ZNF35: variants seen among roughly 807,000 people sequenced by gnomAD.
ZNF35 encodes zinc finger protein 35.
A neutral mutation model predicts 45.9 loss-of-function variants in ZNF35; 31 were observed. That is an observed-to-expected ratio of 0.68 (90% CI 0.51 to 0.91). The LOEUF is 0.91. Among genes scored for constraint, ZNF35 ranks in the 40% least tolerant of loss-of-function variants. The pLI, the probability that ZNF35 is intolerant of heterozygous loss-of-function variation, is 0.00. For synonymous variants in ZNF35, 205 were observed against 220.2 expected (o/e 0.93, Z 0.61); for missense variants, 515 against 625.4 (o/e 0.82, Z 1.88).
Position 44,659,834 on chromosome 3 carries a change from G to T in ZNF35, c.1471G>T (p.Val491Leu). 6.2e-7 allele frequency: 1 copy of T among 1,613,890 alleles called. No individual in the cohort carries two copies. The highest frequency in any genetic ancestry group is 2.2e-5 in the East Asian group (1 of 44,868). Residue 491 changes from valine (V) to leucine (L), a missense_variant, in exon 4 of 4, where the codon GTG (valine) becomes TTG (leucine). Around this residue, in one of 3 missense-constraint regions of ZNF35, gnomAD observed 232 missense variants for 304.6 expected, o/e 0.76. Coordinates refer to ENST00000396056, the MANE Select transcript of ZNF35 (RefSeq NM_003420.4). This position sits in a 1 kb window ranked among gnomAD's most constrained non-coding sequence, Gnocchi z 4.3. ...KAFRQRSSLT[V>L]HQRTHTGEKP... ...CTTCAGACAGAGGTCGAGCCTCACC[G>T]TGCACCAGAGAACCCACACTGGGGA...
At chr3:44,655,001 G>T (rs959657136) in intron 3 of ZNF35, among the ~76,000 whole-genome samples, 11 of 152,116 alleles carry the variant, frequency 7.2e-5, no homozygotes, top group Non-Finnish European at 1.5e-4. Flanking sequence ...AGGCATGGTG[G>T]TGCGTGCCTA....
chr3:44,650,194 C>T (rs1226072777), intron 1 of ZNF35, among the ~76,000 whole-genome samples: 1 of 151,902 alleles, frequency 6.6e-6, no homozygotes, highest in Non-Finnish European at 1.5e-5. Context: ...TATTGTGTAG[C>T]ATTTAAAATA....
chr3:44,649,708 T>G (rs1177210048), intron 1 of ZNF35, among the ~76,000 whole-genome samples: 2 of 151,502 alleles, frequency 1.3e-5, no homozygotes, highest in Admixed American at 1.3e-4. Context: ...AAAGGAATAA[T>G]TCAGCAAAAA....
intron 2 of ZNF35, among the ~76,000 whole-genome samples, chr3:44,651,495 T>C (rs1559483217): frequency 6.6e-6 from 1 of 152,130 alleles, no homozygotes; most frequent in Non-Finnish European, 1.5e-5. Flanking sequence ...GAGCTTTTTA[T>C]AAAATCTTGA....
chr3:44,658,172 CCT>C (rs1344450922), intron 3 of ZNF35, among the ~76,000 whole-genome samples: 2 of 152,136 alleles, frequency 1.3e-5, no homozygotes, highest in Non-Finnish European at 2.9e-5. Flanking sequence ...CCAGTGTTAC[CCT>C]TTCTGTCCGT....
chr3:44,658,340 T>G (rs1703344509), intron 3 of ZNF35, among the ~76,000 whole-genome samples: 1 of 152,216 alleles, frequency 6.6e-6, no homozygotes, highest in South Asian at 2.1e-4. Context: ...GGGAGAGGCT[T>G]GTGTCCTTCA....
rs1703364700 is a variant in ZNF35 at position 44,659,446 on chromosome 3, C to G, written c.1083C>G (p.Pro361=). The G allele has an allele frequency of 3.1e-6, 5 of 1,613,584 alleles. No homozygotes were observed. In the South Asian group the frequency reaches 5.5e-5, roughly 18 times the overall value. The change falls in exon 4 of 4, where the codon CCC becomes CCG. Residue 361 remains proline (P), a synonymous_variant. Coordinates refer to ENST00000396056, the MANE Select transcript of ZNF35 (RefSeq NM_003420.4). The surrounding 1 kb of genome is among the most constrained non-coding windows in gnomAD (Gnocchi z 4.3). ...AGAGGATCCACACTGGGGAGAAGCC[C>G]TTTGCCTGTAACGACTGTGGCAAAG... ...VHQRIHTGEK[P]FACNDCGKAF... is the part of the protein sequence containing the mutation.
rs1316094057 is a variant in ZNF35, at chr3:44,660,008, A to C, written c.*61A>C. 19 of 1,464,762 alleles carry C rather than the reference A, an allele frequency of 1.3e-5. No individual in the cohort carries two copies. The highest frequency in any genetic ancestry group is 1.5e-5 in the Non-Finnish European group (17 of 1,100,302). The allele number at this position is 1,464,762 out of a possible 1,614,324, so 90.7% of individuals were successfully genotyped here. A position where few individuals can be genotyped will look rare whatever the true frequency, so the allele number is the denominator to read the frequency against. On this transcript the variant is annotated 3_prime_UTR_variant, in exon 4 of 4. Coordinates refer to ENST00000396056, the MANE Select transcript of ZNF35 (RefSeq NM_003420.4). ...TAACCTTCTGCCTCCCTAATGAGACACCTCTTTGCTGTTTTCTTCCTCCTC... is the reference window on the plus strand; with the variant it reads ...TAACCTTCTGCCTCCCTAATGAGACCCCTCTTTGCTGTTTTCTTCCTCCTC...
intron 2 of ZNF35, among the ~76,000 whole-genome samples, chr3:44,651,746 T>C (rs1436310615): frequency 2.0e-5 from 3 of 151,682 alleles, no homozygotes; most frequent in African/African-American, 4.8e-5. Context: ...GGTGGGAGGA[T>C]TGATTGAGCC....
At chr3:44,658,489 G>A (rs1362619426) in intron 3 of ZNF35, among the ~76,000 whole-genome samples, 9 of 152,206 alleles carry the variant, frequency 5.9e-5, no homozygotes, top group African/African-American at 2.2e-4. Context: ...GAAAGACCAC[G>A]AGTCAGTGGG....
intron 1 of ZNF35, among the ~76,000 whole-genome samples, chr3:44,650,172 A>T (rs901258513): frequency 3.3e-5 from 5 of 152,136 alleles, no homozygotes; most frequent in Admixed American, 6.6e-5. Flanking sequence ...AAGATTTATC[A>T]ACACCATAGG....
chr3:44,651,037 G>C lies in ZNF35; in HGVS notation c.-31G>C, dbSNP rs763504086. 1 of 1,606,462 alleles carries C rather than the reference G, an allele frequency of 6.2e-7. No homozygotes were observed. Among genetic ancestry groups the C allele is most frequent in the Non-Finnish European group, 8.5e-7 (1 of 1,177,566 alleles). Reference sequence around the variant, plus strand: ...TTTGACCTCTGCAGGGCAGCGCCCAGCTATAGGAGTTCCCCTGCTGAGCAG... The same window carrying C: ...TTTGACCTCTGCAGGGCAGCGCCCACCTATAGGAGTTCCCCTGCTGAGCAG... On this transcript the variant is annotated 5_prime_UTR_variant, in exon 2 of 4. Transcript: ENST00000396056.
At position 44,657,139 on chromosome 3, in the gene ZNF35, A is replaced by G. The variant is rs77864335; in HGVS notation, c.338-1562A>G. The stretch of plus-strand genomic sequence containing the variant: ...TACCATAGTCTTAACCAGGCAATCA[A>G]ACCAGGCTGTTTTCCTGCCCCCAAT... On this transcript the variant is annotated intron_variant, in intron 3 of 3. Coordinates refer to ENST00000396056, the MANE Select transcript of ZNF35 (RefSeq NM_003420.4). Among the ~76,000 whole-genome samples, 1,340 of 152,344 alleles carry G rather than the reference A, an allele frequency of 8.8e-3. 22 individuals carry two copies. The highest frequency in any genetic ancestry group is 0.031 in the African/African-American group (1,282 of 41,568).
intron 2 of ZNF35, among the ~76,000 whole-genome samples, chr3:44,651,489 T>G (rs1253814610): frequency 6.6e-6 from 1 of 152,102 alleles, no homozygotes; most frequent in African/African-American, 2.4e-5. Flanking sequence ...CCTGGAGAGC[T>G]TTTTATAAAA....
Position 44,659,646 on chromosome 3 carries a change from G to C in ZNF35, c.1283G>C (p.Ser428Thr). 1 of 1,614,158 alleles carries C rather than the reference G, an allele frequency of 6.2e-7. No individual in the cohort carries two copies. Among genetic ancestry groups the C allele is most frequent in the Non-Finnish European group, 8.5e-7 (1 of 1,180,028 alleles). The change falls in exon 4 of 4, where the codon AGT becomes ACT. Residue 428 changes from serine (S) to threonine (T), a missense_variant. Transcript: ENST00000396056. This position sits in a 1 kb window ranked among gnomAD's most constrained non-coding sequence, Gnocchi z 4.3. The part of the protein sequence containing the change: ...YDCSECGKAF[S>T]QLSCLIVHQR... ...TGCAGCGAATGTGGGAAAGCCTTCA[G>C]TCAGCTCTCTTGCCTTATTGTCCAC...
chr3:44,659,817 A>G lies in ZNF35; in HGVS notation c.1454A>G (p.Gln485Arg), dbSNP rs1308588115. 6.2e-7 allele frequency: 1 copy of G among 1,612,354 alleles called. No individual in the cohort carries two copies. The highest frequency in any genetic ancestry group is 8.5e-7 in the Non-Finnish European group (1 of 1,179,432). The change falls in exon 4 of 4, where the codon CAG becomes CGG. Residue 485 changes from glutamine (Q) to arginine (R), a missense_variant. Coordinates refer to ENST00000396056, the MANE Select transcript of ZNF35 (RefSeq NM_003420.4). This position sits in a 1 kb window ranked among gnomAD's most constrained non-coding sequence, Gnocchi z 4.3. The stretch of plus-strand genomic sequence containing the variant: ...AATGAGTGTGGGAAGGCCTTCAGAC[A>G]GAGGTCGAGCCTCACCGTGCACCAG... The part of the protein sequence containing the change: ...TCNECGKAFR[Q>R]RSSLTVHQRT...
At position 44,659,532 on chromosome 3, in the gene ZNF35, A is replaced by G. The variant is rs369317196; in HGVS notation, c.1169A>G (p.Tyr390Cys). The change falls in exon 4 of 4, where the codon TAT becomes TGT. Residue 390 changes from tyrosine to cysteine, a missense_variant. Physicochemically the swap from Tyr to Cys is radical, Grantham distance 194. Around this residue, in one of 3 missense-constraint regions of ZNF35, gnomAD observed 232 missense variants for 304.6 expected, o/e 0.76. Coordinates refer to ENST00000396056, the MANE Select transcript of ZNF35 (RefSeq NM_003420.4). The surrounding 1 kb of genome is among the most constrained non-coding windows in gnomAD (Gnocchi z 4.3). Reference sequence around the variant, plus strand: ...CGAAGCCATACTGGTGAGAAGCCATATGAGTGTAAAGAGTGTGGGAAAGCC... The same window carrying G: ...CGAAGCCATACTGGTGAGAAGCCATGTGAGTGTAAAGAGTGTGGGAAAGCC... ...HQRSHTGEKPYECKECGKAFS... is the reference protein window; with the variant it reads ...HQRSHTGEKPCECKECGKAFS... 1.7e-5 allele frequency: 28 copies of G among 1,613,914 alleles called. No homozygotes were observed. The highest frequency in any genetic ancestry group is 4.0e-5 in the African/African-American group (3 of 74,878).
intron 3 of ZNF35, 66 bp downstream of exon 3, chr3:44,652,767 G>A (rs1222561213): frequency 2.1e-6 from 3 of 1,461,974 alleles, no homozygotes; most frequent in South Asian, 3.0e-5. Flanking sequence ...TCAGAGACTG[G>A]TGGGCATCCA....
chr3:44,659,057 A>G lies in ZNF35; in HGVS notation c.694A>G (p.Ser232Gly). The change falls in exon 4 of 4, where the codon AGT (serine) becomes GGT (glycine). Residue 232 changes from serine to glycine, a missense_variant. Physicochemically the swap from Ser to Gly is moderately conservative, Grantham distance 56 (BLOSUM62 0). Coordinates refer to ENST00000396056, the MANE Select transcript of ZNF35 (RefSeq NM_003420.4). The surrounding 1 kb of genome is among the most constrained non-coding windows in gnomAD (Gnocchi z 4.3). ...FTCSVCGKGFSQSANLVVHQR... is the reference protein window; with the variant it reads ...FTCSVCGKGFGQSANLVVHQR... ...GTGTAGCGTGTGTGGGAAAGGATTT[A>G]GTCAGAGTGCAAACCTCGTTGTGCA... 6.2e-7 allele frequency: 1 copy of G among 1,614,250 alleles called. No individual in the cohort carries two copies.
Sources: allele counts gnomAD v4.1 joint callset (sites outside exome capture counted in the v4.1 genomes callset), GRCh38; gene constraint gnomAD v4.1.1; regional missense constraint gnomAD v4.1.1; non-coding constraint Gnocchi (gnomAD v3.1); transcripts MANE v1.5; gene names NCBI Gene and HGNC (gene_info 2026-07-23, HGNC 2026-07-21).